The following ZNF385D variants were observed in gnomAD, a reference collection of about 807,000 sequenced individuals.
ZNF385D encodes the protein zinc finger protein 385D.
A neutral mutation model predicts 35.8 loss-of-function variants in ZNF385D; 15 were observed. That is an observed-to-expected ratio of 0.42 (90% confidence interval 0.28 to 0.64). The LOEUF is 0.64. Ranked by LOEUF, ZNF385D falls within the 30% of genes least tolerant of loss-of-function variation. The pLI is 0.23. For missense variants in ZNF385D, 474 were observed against 494.6 expected (o/e 0.96, Z 0.39); for synonymous variants, 212 against 186.8 (o/e 1.13, Z -1.10).
chr3:21,955,193 T>C (rs1702229051), intron 3 of ZNF385D, among the ~76,000 whole-genome samples: 1 of 152,134 alleles, frequency 6.6e-6, no homozygotes. Flanking sequence ...GTAACATAAA[T>C]GTGGATGCAA....
intron 2 of ZNF385D, among the ~76,000 whole-genome samples, chr3:22,352,782 C>A (rs1485834199): frequency 1.3e-5 from 2 of 152,124 alleles, no homozygotes; most frequent in Non-Finnish European, 2.9e-5. Flanking sequence ...ACAACTATTA[C>A]GTGTTTTCTG....
intron 3 of ZNF385D, among the ~76,000 whole-genome samples, chr3:21,894,556 ACAG>A (rs1161648847): frequency 6.6e-6 from 1 of 152,186 alleles, no homozygotes; most frequent in East Asian, 1.9e-4. Flanking sequence ...TGACTTTACA[ACAG>A]CAAAGCTCAC....
intron 3 of ZNF385D, among the ~76,000 whole-genome samples, chr3:21,803,593 G>C (rs79570484): frequency 0.026 from 3,950 of 152,146 alleles, 184 homozygotes; most frequent in African/African-American, 0.09. Flanking sequence ...CATGAAAACT[G>C]GATGAAATAT....
intron 3 of ZNF385D, among the ~76,000 whole-genome samples, chr3:21,760,850 T>C (rs1055088830): frequency 7.9e-5 from 12 of 152,178 alleles, no homozygotes; most frequent in Admixed American, 1.3e-4. Flanking sequence ...TTTTGAAAGA[T>C]TGGTTTAATG....
intron 3 of ZNF385D, among the ~76,000 whole-genome samples, chr3:21,975,754 T>TATATATAC (rs1703575287): frequency 8.7e-6 from 1 of 115,506 alleles, no homozygotes; most frequent in Non-Finnish European, 1.6e-5. Flanking sequence ...TATATATATA[T>TATATATAC]ACACACACTA....
intron 2 of ZNF385D, among the ~76,000 whole-genome samples, chr3:22,251,400 G>C (rs1700058122): frequency 6.6e-6 from 1 of 152,132 alleles, no homozygotes; most frequent in Non-Finnish European, 1.5e-5. Context: ...ATAATACCAT[G>C]TATTACAATG....
intron 3 of ZNF385D, among the ~76,000 whole-genome samples, chr3:21,935,226 AT>A (rs1295001272): frequency 6.6e-6 from 1 of 152,162 alleles, no homozygotes; most frequent in Admixed American, 6.5e-5. Flanking sequence ...AATTAAGTCA[AT>A]TTTTTGTGCT....
intron 2 of ZNF385D, among the ~76,000 whole-genome samples, chr3:22,344,380 T>G (rs1009490438): frequency 1.3e-5 from 2 of 152,036 alleles, no homozygotes; most frequent in African/African-American, 4.8e-5. Flanking sequence ...AATAGGTATT[T>G]TATTGTTGCT....
intron 2 of ZNF385D, among the ~76,000 whole-genome samples, chr3:22,370,269 T>C (rs746470703): frequency 2.6e-5 from 4 of 152,178 alleles, no homozygotes; most frequent in Non-Finnish European, 5.9e-5. Context: ...ACAAATATGA[T>C]GTTAGCACCA....
chr3:21,496,959 A>C (rs1055130575), intron 4 of ZNF385D, among the ~76,000 whole-genome samples: 1 of 152,178 alleles, frequency 6.6e-6, no homozygotes, highest in East Asian at 1.9e-4. Flanking sequence ...GAATGGGCAA[A>C]GCTGGAAGAA....
intron 3 of ZNF385D, among the ~76,000 whole-genome samples, chr3:21,537,524 T>C (rs2062066001): frequency 6.6e-6 from 1 of 152,126 alleles, no homozygotes; most frequent in African/African-American, 2.4e-5. Context: ...TAAAATTTTC[T>C]TTACGAAAGC....
chr3:22,340,169 T>C (rs560306357), intron 2 of ZNF385D, among the ~76,000 whole-genome samples: 2 of 152,350 alleles, frequency 1.3e-5, no homozygotes, highest in African/African-American at 4.8e-5. Context: ...TCAAGGTTAT[T>C]GCTAAGAAAG....
chr3:21,695,164 C>T (rs529991010), intron 1 of ZNF385D, among the ~76,000 whole-genome samples: 2 of 152,128 alleles, frequency 1.3e-5, no homozygotes, highest in Non-Finnish European at 2.9e-5. Flanking sequence ...TATCACCTCC[C>T]GGAATACAAA....
intron 4 of ZNF385D, among the ~76,000 whole-genome samples, chr3:21,504,129 A>G (rs1211749845): frequency 3.3e-5 from 5 of 152,150 alleles, no homozygotes; most frequent in Non-Finnish European, 5.9e-5. Context: ...ATGTTCTCAG[A>G]CTTTACCAAT....
chr3:22,278,532 T>C (rs1257075714), intron 2 of ZNF385D, among the ~76,000 whole-genome samples: 1 of 152,150 alleles, frequency 6.6e-6, no homozygotes, highest in Admixed American at 6.6e-5. Context: ...TTGAACAATA[T>C]ACTTTAGTTA....
chr3:21,480,906 C>A (rs929022607), intron 4 of ZNF385D, among the ~76,000 whole-genome samples: 1 of 152,154 alleles, frequency 6.6e-6, no homozygotes, highest in Non-Finnish European at 1.5e-5. Flanking sequence ...TCATTTGTTA[C>A]ATAAATCATT....
At chr3:22,224,965 ATC>A (rs1361676701) in intron 2 of ZNF385D, among the ~76,000 whole-genome samples, 3 of 152,158 alleles carry the variant, frequency 2.0e-5, no homozygotes, top group Admixed American at 6.5e-5. Context: ...TAATCAGAAC[ATC>A]TGATTTCTGA....
chr3:22,279,502 ACATATATATGTATATAC>A lies in ZNF385D; in HGVS notation c.106+92931_106+92947del, dbSNP rs1417821783. Among the ~76,000 whole-genome samples the A allele has an allele frequency of 1.1e-3, 150 of 140,060 alleles. 1 individual carries two copies. Among genetic ancestry groups the A allele is most frequent in the African/African-American group, 3.9e-3 (133 of 33,998 alleles). 91.9% of individuals were successfully genotyped at this position (140,060 alleles called of 152,430 possible). A position where few individuals can be genotyped will look rare whatever the true frequency, so the allele number is the denominator to read the frequency against. ...ATATATATATGGAATATACATATGTACATATATATGTATATACATATACATATGTACATATATATGTA... is the reference window on the plus strand; with the variant it reads ...ATATATATATGGAATATACATATGTAATATACATATGTACATATATATGTA... On this transcript the variant is annotated intron_variant, in intron 2 of 5. Transcript: ENST00000494108.
At chr3:22,355,295 A>G (rs1274690995) in intron 2 of ZNF385D, among the ~76,000 whole-genome samples, 1 of 152,106 alleles carries the variant, frequency 6.6e-6, no homozygotes, top group Non-Finnish European at 1.5e-5. Flanking sequence ...TAGATCAAAT[A>G]ACATGCATAG....
Sources: allele counts gnomAD v4.1 joint callset (sites outside exome capture counted in the v4.1 genomes callset), GRCh38; gene constraint gnomAD v4.1.1; transcripts MANE v1.5; gene names NCBI Gene and HGNC (gene_info 2026-07-23, HGNC 2026-07-21).